Variants in PLCE1 observed in about 807,000 individuals in gnomAD.
PLCE1 encodes phospholipase C epsilon 1.
PLCE1 carries 119 observed loss-of-function variants against 242.8 expected under a neutral mutation model. That is an observed-to-expected ratio of 0.49 (90% CI 0.42 to 0.57). PLCE1 has a LOEUF of 0.57. Ranked by LOEUF, PLCE1 falls within the 20% of genes least tolerant of loss-of-function variation. The probability of loss-of-function intolerance (pLI) is 0.00; values close to 1 mark genes in which losing one functional copy is unlikely to be tolerated. For missense variants in PLCE1, 2,441 were observed against 2,788.8 expected (o/e 0.88, Z 2.81); for synonymous variants, 945 against 1,017.4 (o/e 0.93, Z 1.35).
chr10:94,231,781 C>T (rs544964070), intron 5 of PLCE1, among the ~76,000 whole-genome samples: 107 of 152,210 alleles, frequency 7.0e-4, no homozygotes, highest in African/African-American at 2.5e-3. Flanking sequence ...AACCTAGATC[C>T]CTTACATGCA....
chr10:94,322,099 G>T (rs1207606212), intron 30 of PLCE1, 40 bp downstream of exon 30: 1 of 1,590,146 alleles, frequency 6.3e-7, no homozygotes, highest in East Asian at 2.2e-5. Context: ...CCTTTCCTCA[G>T]CATAAATTAT....
chr10:94,230,386 G>A (rs1206210367), intron 5 of PLCE1, among the ~76,000 whole-genome samples: 1 of 148,336 alleles, frequency 6.7e-6, no homozygotes, highest in Admixed American at 6.7e-5. Context: ...GTGCAGTGGT[G>A]CAATCTTCGC....
chr10:94,299,912 T>C (rs1346740588), intron 24 of PLCE1, among the ~76,000 whole-genome samples: 1 of 152,270 alleles, frequency 6.6e-6, no homozygotes, highest in Non-Finnish European at 1.5e-5. Context: ...TTAACTATCA[T>C]TGATTGTGTT....
intron 5 of PLCE1, among the ~76,000 whole-genome samples, chr10:94,231,785 A>T (rs1241977708): frequency 6.6e-6 from 1 of 152,154 alleles, no homozygotes; most frequent in African/African-American, 2.4e-5. Flanking sequence ...TAGATCCCTT[A>T]CATGCACAGT....
At chr10:94,118,172 A>G (rs928977553) in intron 2 of PLCE1, among the ~76,000 whole-genome samples, 1 of 152,188 alleles carries the variant, frequency 6.6e-6, no homozygotes, top group African/African-American at 2.4e-5. Context: ...CTAAGTTTTT[A>G]TAAGTTTTAA....
chr10:94,122,943 A>T (rs780158329), intron 2 of PLCE1, among the ~76,000 whole-genome samples: 3 of 152,126 alleles, frequency 2.0e-5, no homozygotes, highest in African/African-American at 4.8e-5. Context: ...TGAGGACCAT[A>T]GCTCTAAGTC....
chr10:94,192,337 A>G (rs1457438638), intron 4 of PLCE1, among the ~76,000 whole-genome samples: 1 of 151,846 alleles, frequency 6.6e-6, no homozygotes, highest in African/African-American at 2.4e-5. Context: ...GCCTTTGCCC[A>G]CCTCCCTCTC....
In PLCE1 at chr10:94,196,675, C is replaced by T. The variant is rs529165616; in HGVS notation, c.1809+25179C>T. ...AAAGACTTTGAGAGAGAGGACCCCA[C>T]TCAGGTATAATGAGGTGGGACTCAC... On this transcript the variant is annotated intron_variant, in intron 4 of 32. Transcript: ENST00000371380. Among the ~76,000 whole-genome samples, 3 of 152,148 alleles carry T rather than the reference C, an allele frequency of 2.0e-5. No homozygotes were observed. In the East Asian group the frequency reaches 5.8e-4, roughly 29 times the overall value.
In PLCE1 at chr10:94,295,008, C is replaced by T. The variant is rs1475537387; in HGVS notation, c.5167+1369C>T. Among the ~76,000 whole-genome samples the T allele has an allele frequency of 4.0e-5, 6 of 151,064 alleles. No individual in the cohort carries two copies. The East Asian group carries it at 9.7e-4, about 25-fold the overall frequency. On this transcript the variant is annotated intron_variant, in intron 23 of 32. Transcript: ENST00000371380. ...TTGTCTCACTGCAAGCTCCACCTCC[C>T]GGGTTCACGCCATTCTCCTGCCTCA...
chr10:94,007,811 T>C (rs1564620912), intron 1 of PLCE1, among the ~76,000 whole-genome samples: 1 of 151,432 alleles, frequency 6.6e-6, no homozygotes, highest in Non-Finnish European at 1.5e-5. Context: ...AGATATACTT[T>C]TGTTTTCGTG....
chr10:94,095,502 A>G (rs1165967372), intron 2 of PLCE1, among the ~76,000 whole-genome samples: 2 of 152,230 alleles, frequency 1.3e-5, no homozygotes, highest in South Asian at 2.1e-4. Context: ...GACTACAGGC[A>G]TGCACCACTG....
intron 1 of PLCE1, among the ~76,000 whole-genome samples, chr10:94,016,824 G>A (rs1165454371): frequency 1.3e-5 from 2 of 151,936 alleles, no homozygotes; most frequent in Non-Finnish European, 2.9e-5. Flanking sequence ...TGTTTTATTT[G>A]TTAAAAAGTT....
intron 4 of PLCE1, among the ~76,000 whole-genome samples, chr10:94,185,643 G>A (rs1262871787): frequency 6.6e-6 from 1 of 152,216 alleles, no homozygotes; most frequent in Non-Finnish European, 1.5e-5. Flanking sequence ...ACATGGTTAT[G>A]GGGACACTTA....
intron 2 of PLCE1, among the ~76,000 whole-genome samples, chr10:94,050,088 C>G (rs1445870004): frequency 6.6e-6 from 1 of 152,172 alleles, no homozygotes; most frequent in African/African-American, 2.4e-5. Flanking sequence ...GCCTTTAAGT[C>G]CTTGCCTGAG....
intron 3 of PLCE1, chr10:94,138,293 C>G: frequency 5.9e-6 from 2 of 341,760 alleles, no homozygotes; most frequent in Non-Finnish European, 1.2e-5. Flanking sequence ...CCTTCCATGC[C>G]ACGGTGATGG....
chr10:94,326,518 G>A (rs1432370185), intron 32 of PLCE1, among the ~76,000 whole-genome samples: 1 of 152,174 alleles, frequency 6.6e-6, no homozygotes, highest in East Asian at 1.9e-4. Flanking sequence ...CTTCTGTAAT[G>A]AGGTGAAATT....
chr10:94,249,008 GAGAAGACTC>G (rs2050783275), intron 8 of PLCE1, among the ~76,000 whole-genome samples: 1 of 152,140 alleles, frequency 6.6e-6, no homozygotes, highest in Non-Finnish European at 1.5e-5. Context: ...AAGTGACTTA[GAGAAGACTC>G]AGTCCTACCC....
intron 2 of PLCE1, among the ~76,000 whole-genome samples, chr10:94,114,545 T>C (rs1015575947): frequency 2.0e-5 from 3 of 152,206 alleles, no homozygotes; most frequent in Admixed American, 1.3e-4. Context: ...ATCTGCTCTG[T>C]TCTAACTTCC....
intron 2 of PLCE1, among the ~76,000 whole-genome samples, chr10:94,129,905 T>G (rs1370586320): frequency 2.6e-5 from 4 of 152,182 alleles, no homozygotes; most frequent in Non-Finnish European, 5.9e-5. Flanking sequence ...CTGGCCTTTC[T>G]CATTCCCCAG....
Sources: gnomAD v4.1 joint callset for allele counts (sites outside exome capture counted in the v4.1 genomes callset) on GRCh38, gnomAD v4.1.1 for gene constraint, MANE v1.5 for transcripts, NCBI Gene and HGNC (gene_info 2026-07-23, HGNC 2026-07-21) for gene names.